The following NDUFAF6 variants were observed in gnomAD, a reference collection of about 807,000 sequenced individuals.
NDUFAF6 encodes NADH dehydrogenase (ubiquinone) complex I, assembly factor 6.
NDUFAF6 carries 45 observed loss-of-function variants against 40.8 expected under a neutral mutation model. The observed-to-expected ratio is 1.10, with a 90% CI of 0.87 to 1.42. The LOEUF (loss-of-function observed/expected upper bound fraction) is 1.42, where lower values mean the gene tolerates loss of function less well. NDUFAF6 is among the 40% of genes most tolerant of loss of function. The pLI, the probability that NDUFAF6 is intolerant of heterozygous loss-of-function variation, is 0.00. For missense variants in NDUFAF6, 435 were observed against 418.5 expected (o/e 1.04, Z -0.34); for synonymous variants, 185 against 155.9 (o/e 1.19, Z -1.39).
chr8:95,002,568 A>C (rs1826786057), intron 2 of NDUFAF6, among the ~76,000 whole-genome samples: 1 of 152,250 alleles, frequency 6.6e-6, no homozygotes, highest in Non-Finnish European at 1.5e-5. Flanking sequence ...CAGGAATCAC[A>C]GGCATTTGAA....
intron 2 of NDUFAF6, among the ~76,000 whole-genome samples, chr8:95,083,812 T>C (rs1808955290): frequency 6.6e-6 from 1 of 152,222 alleles, no homozygotes; most frequent in South Asian, 2.1e-4. Context: ...TGATTTCTAA[T>C]GGAGACAAAG....
chr8:94,941,430 A>G (rs1323588975), intron 1 of NDUFAF6, among the ~76,000 whole-genome samples: 1 of 152,186 alleles, frequency 6.6e-6, no homozygotes, highest in African/African-American at 2.4e-5. Context: ...CAGTCTTGCT[A>G]TATGTTATTC....
At chr8:95,097,857 T>C (rs761704770), upstream of NDUFAF6, among the ~76,000 whole-genome samples, 1 of 152,250 alleles carries the variant, frequency 6.6e-6, no homozygotes, top group Admixed American at 6.5e-5. Context: ...ATCTGATGAC[T>C]GTCAGATACC....
intron 9 of NDUFAF6, among the ~76,000 whole-genome samples, chr8:95,074,811 C>T (rs1037941843): frequency 1.3e-5 from 2 of 152,074 alleles, no homozygotes; most frequent in African/African-American, 4.8e-5. Flanking sequence ...GTTTCCTGTC[C>T]TTAGATTCCT....
At chr8:94,990,283 C>T (rs1036952665) in intron 2 of NDUFAF6, among the ~76,000 whole-genome samples, 2 of 152,114 alleles carry the variant, frequency 1.3e-5, no homozygotes, top group Non-Finnish European at 2.9e-5. Context: ...CATTGTAGGC[C>T]ACTGTGATGG....
chr8:94,903,570 A>G (rs927472590), intron 1 of NDUFAF6, among the ~76,000 whole-genome samples: 22 of 152,244 alleles, frequency 1.4e-4, no homozygotes, highest in African/African-American at 5.3e-4. Context: ...CAGTAATAGC[A>G]TAAAAGCGTG....
At chr8:95,073,103 G>A (rs1407960439) in intron 9 of NDUFAF6, 1 of 152,686 alleles carries the variant, frequency 6.5e-6, no homozygotes, top group Admixed American at 6.5e-5. Flanking sequence ...GGGGACCGAA[G>A]CTAGGAATAG....
chr8:95,092,183 A>AAT (rs35692063), intron 2 of NDUFAF6, among the ~76,000 whole-genome samples: 1 of 142,506 alleles, frequency 7.0e-6, no homozygotes, highest in Admixed American at 7.0e-5. Flanking sequence ...CTTTGACACA[A>AAT]TTTTTTTTTT....
chr8:94,972,136 C>G (rs1290908328), intron 1 of NDUFAF6, among the ~76,000 whole-genome samples: 1 of 152,192 alleles, frequency 6.6e-6, no homozygotes, highest in Non-Finnish European at 1.5e-5. Flanking sequence ...AGAGAAAGCT[C>G]TCCTAGAAAG....
chr8:95,031,069 C>G (rs1828774504), intron 1 of NDUFAF6, among the ~76,000 whole-genome samples: 1 of 152,310 alleles, frequency 6.6e-6, no homozygotes, highest in South Asian at 2.1e-4. Context: ...CAAATACCTC[C>G]CACTAGGCCC....
At chr8:94,915,023 A>T (rs1819034655) in intron 1 of NDUFAF6, among the ~76,000 whole-genome samples, 1 of 152,182 alleles carries the variant, frequency 6.6e-6, no homozygotes, top group South Asian at 2.1e-4. Flanking sequence ...TCACCCAAAT[A>T]GTGAACACAG....
At chr8:95,090,855 G>T (rs1202518742) in intron 2 of NDUFAF6, among the ~76,000 whole-genome samples, 3 of 152,062 alleles carry the variant, frequency 2.0e-5, no homozygotes, top group Non-Finnish European at 4.4e-5. Context: ...TAGCATCCCA[G>T]CCCACATTTT....
chr8:94,970,509 T>C (rs1824379570), intron 1 of NDUFAF6, among the ~76,000 whole-genome samples: 1 of 152,116 alleles, frequency 6.6e-6, no homozygotes, highest in South Asian at 2.1e-4. Context: ...GAGAATCTTT[T>C]GAATCTAGGA....
At chr8:95,015,853 G>A (rs1827421296) in intron 2 of NDUFAF6, among the ~76,000 whole-genome samples, 1 of 151,452 alleles carries the variant, frequency 6.6e-6, no homozygotes, top group African/African-American at 2.5e-5. Context: ...CTTACCTGAG[G>A]TTGTGACATT....
intron 2 of NDUFAF6, among the ~76,000 whole-genome samples, chr8:95,011,184 C>T (rs1780395866): frequency 6.6e-6 from 1 of 152,190 alleles, no homozygotes; most frequent in African/African-American, 2.4e-5. Context: ...CCAGGGCCTT[C>T]AGTGACACGT....
chr8:94,921,526 T>C (rs1231640069), intron 1 of NDUFAF6, among the ~76,000 whole-genome samples: 3 of 152,246 alleles, frequency 2.0e-5, no homozygotes, highest in Non-Finnish European at 2.9e-5. Flanking sequence ...ATTGGGATAC[T>C]GTTATCAGAA....
intron 1 of NDUFAF6, chr8:94,931,949 G>A (rs1003687583): frequency 2.1e-6 from 2 of 937,066 alleles, no homozygotes; most frequent in African/African-American, 3.3e-5. Flanking sequence ...TCCAGCCTGA[G>A]TGACAGAGTG....
At chr8:94,961,565 G>A (rs949344209) in intron 1 of NDUFAF6, among the ~76,000 whole-genome samples, 1 of 152,112 alleles carries the variant, frequency 6.6e-6, no homozygotes, top group East Asian at 1.9e-4. Context: ...AGGACTACAG[G>A]CGCGTACCAC....
chr8:95,047,654 C>T (rs560254791), intron 6 of NDUFAF6, among the ~76,000 whole-genome samples: 21 of 151,350 alleles, frequency 1.4e-4, no homozygotes, highest in Admixed American at 3.9e-4. Context: ...GGACTACAGG[C>T]GCCCGCCACC....
Sources: gnomAD v4.1 joint callset for allele counts (sites outside exome capture counted in the v4.1 genomes callset) on GRCh38, gnomAD v4.1.1 for gene constraint, MANE v1.5 for transcripts, NCBI Gene and HGNC (gene_info 2026-07-23, HGNC 2026-07-21) for gene names.